Variants in FRMD4B observed in about 807,000 individuals in gnomAD.
FRMD4B encodes the protein FERM domain containing 4B.
Under a neutral mutation model 141.5 loss-of-function variants are expected in FRMD4B, and 74 were observed. The ratio of observed to expected loss-of-function variants is 0.52; its 90% CI spans 0.43 to 0.63. The LOEUF (loss-of-function observed/expected upper bound fraction) is 0.63. Ranked by LOEUF, FRMD4B falls within the 30% of genes least tolerant of loss-of-function variation. FRMD4B has a pLI of 0.00. For synonymous variants in FRMD4B, 506 were observed against 467.9 expected (o/e 1.08, Z -1.05); for missense variants, 1,366 against 1,253.4 (o/e 1.09, Z -1.36).
chr3:69,408,605 T>C (rs1156239440), intron 2 of FRMD4B, among the ~76,000 whole-genome samples: 3 of 152,016 alleles, frequency 2.0e-5, no homozygotes, highest in Admixed American at 1.3e-4. Flanking sequence ...AGGAAAATGA[T>C]ATCATAAAAA....
chr3:69,359,029 G>A (rs1395986063), intron 1 of FRMD4B, among the ~76,000 whole-genome samples: 1 of 152,128 alleles, frequency 6.6e-6, no homozygotes, highest in African/African-American at 2.4e-5. Context: ...TGTGGTATTT[G>A]GCTATAGACA....
chr3:69,541,603 A>G (rs945131926), intron 1 of FRMD4B, among the ~76,000 whole-genome samples: 5 of 152,238 alleles, frequency 3.3e-5, no homozygotes, highest in Non-Finnish European at 7.3e-5. Flanking sequence ...TTCTCAAAGT[A>G]GGAGCTAAAG....
intron 2 of FRMD4B, among the ~76,000 whole-genome samples, chr3:69,420,965 G>A (rs1159168434): frequency 6.6e-6 from 1 of 152,194 alleles, no homozygotes; most frequent in African/African-American, 2.4e-5. Flanking sequence ...AGTCAGGGAC[G>A]GAGAGGGCCA....
intron 3 of FRMD4B, among the ~76,000 whole-genome samples, chr3:69,304,534 C>T (rs534729408): frequency 1.3e-5 from 2 of 149,880 alleles, no homozygotes; most frequent in South Asian, 2.1e-4. Context: ...TCTCTGAGTG[C>T]CACTTCTGTA....
chr3:69,337,176 G>A (rs987680862), intron 1 of FRMD4B, among the ~76,000 whole-genome samples: 6 of 151,986 alleles, frequency 3.9e-5, no homozygotes, highest in African/African-American at 1.5e-4. Flanking sequence ...TCTGATCTTT[G>A]ACAAACCTGA....
rs2092865368 is a variant in FRMD4B at position 69,193,647 on chromosome 3, C to T, written c.1714+1G>A. The stretch of plus-strand genomic sequence containing the variant: ...AAAAAAAAACCTTACTTATTACTAA[C>T]CTGGTAACACTGTTGCTTTCTGGCT... On this transcript the variant is annotated splice_donor_variant, in intron 17 of 22. Coordinates refer to ENST00000398540, the MANE Select transcript of FRMD4B (RefSeq NM_015123.3). LOFTEE classifies it high-confidence loss of function. The T allele has an allele frequency of 6.3e-7, 1 of 1,589,750 alleles. No individual in the cohort carries two copies. Among genetic ancestry groups the T allele is most frequent in the Non-Finnish European group, 8.6e-7 (1 of 1,160,994 alleles).
At chr3:69,232,094 G>C (rs2107788008) in intron 7 of FRMD4B, among the ~76,000 whole-genome samples, 1 of 152,248 alleles carries the variant, frequency 6.6e-6, no homozygotes, top group African/African-American at 2.4e-5. Flanking sequence ...AAAGTAGTAG[G>C]GGAGGTGAAC....
chr3:69,227,999 A>C (rs553720526), intron 7 of FRMD4B, among the ~76,000 whole-genome samples: 2 of 152,238 alleles, frequency 1.3e-5, no homozygotes, highest in Non-Finnish European at 2.9e-5. Context: ...ATGTTTATTA[A>C]GAAAAACGAA....
At chr3:69,476,978 A>G (rs1039164929) in intron 1 of FRMD4B, among the ~76,000 whole-genome samples, 1 of 152,022 alleles carries the variant, frequency 6.6e-6, no homozygotes, top group African/African-American at 2.4e-5. Context: ...TGTGAATGGG[A>G]GTTCACTCAT....
At chr3:69,194,915 G>A (rs1207958786) in intron 16 of FRMD4B, 107 bp downstream of exon 16, 2 of 976,268 alleles carry the variant, frequency 2.0e-6, no homozygotes, top group Non-Finnish European at 3.1e-6. Context: ...CTGTACTGGT[G>A]AGATAACATA....
intron 1 of FRMD4B, among the ~76,000 whole-genome samples, chr3:69,506,477 T>G (rs1425266601): frequency 6.6e-6 from 1 of 151,912 alleles, no homozygotes; most frequent in Non-Finnish European, 1.5e-5. Flanking sequence ...TTCTTATGAA[T>G]GTACTTAGGA....
rs66705405 is a variant in FRMD4B at position 69,343,577 on chromosome 3, GTTT to G, written c.163-30063_163-30061del. On this transcript the variant is annotated intron_variant, in intron 1 of 22. Coordinates refer to ENST00000398540, the MANE Select transcript of FRMD4B (RefSeq NM_015123.3). ...AGCCATTTTGTCTTAACAGTTTTTT[GTTT>G]TTTTTTTTTTTTTTTTTTAGACGGG... Among the ~76,000 whole-genome samples, 1,149 of 126,408 alleles carry G rather than the reference GTTT, an allele frequency of 9.1e-3. 11 individuals carry two copies. Among genetic ancestry groups the G allele is most frequent in the African/African-American group, 0.027 (892 of 33,082 alleles). 82.9% of individuals were successfully genotyped at this position (126,408 alleles called of 152,430 possible).
intron 7 of FRMD4B, 104 bp from the exon 8 acceptor site, chr3:69,224,794 G>A: frequency 3.0e-6 from 2 of 672,774 alleles, no homozygotes; most frequent in Non-Finnish European, 5.4e-6. Context: ...TTTACAGCAT[G>A]TTGGAGCCAA....
chr3:69,455,581 A>G (rs1157545429), intron 1 of FRMD4B, among the ~76,000 whole-genome samples: 2 of 152,200 alleles, frequency 1.3e-5, no homozygotes, highest in East Asian at 1.9e-4. Flanking sequence ...GAACATCAGA[A>G]GGAACAAACC....
intron 22 of FRMD4B, among the ~76,000 whole-genome samples, chr3:69,175,883 C>T (rs1028722871): frequency 6.8e-6 from 1 of 147,584 alleles, no homozygotes; most frequent in Non-Finnish European, 1.5e-5. Flanking sequence ...GGGGTTCACG[C>T]CATTCTCCTG....
upstream of FRMD4B, among the ~76,000 whole-genome samples, chr3:69,388,681 A>G (rs1704319992): frequency 6.6e-6 from 1 of 152,154 alleles, no homozygotes; most frequent in African/African-American, 2.4e-5. Flanking sequence ...TATTCACTAC[A>G]AAAAGTTTGG....
intron 1 of FRMD4B, among the ~76,000 whole-genome samples, chr3:69,332,383 T>C (rs1051565422): frequency 6.6e-6 from 1 of 152,150 alleles, no homozygotes; most frequent in Non-Finnish European, 1.5e-5. Context: ...TACCCTCATT[T>C]TACAGATGAG....
intron 1 of FRMD4B, among the ~76,000 whole-genome samples, chr3:69,457,632 C>T (rs920171002): frequency 2.0e-5 from 3 of 151,538 alleles, no homozygotes; most frequent in Non-Finnish European, 4.4e-5. Context: ...TTATGGTGTC[C>T]TCCAAACAGA....
chr3:69,332,376 C>T (rs1264358668), intron 1 of FRMD4B, among the ~76,000 whole-genome samples: 2 of 152,058 alleles, frequency 1.3e-5, no homozygotes, highest in Admixed American at 1.3e-4. Flanking sequence ...AATGTCATAC[C>T]CTCATTTTAC....
Sources: allele counts gnomAD v4.1 joint callset (sites outside exome capture counted in the v4.1 genomes callset), GRCh38; gene constraint gnomAD v4.1.1; transcripts MANE v1.5; gene names NCBI Gene and HGNC (gene_info 2026-07-23, HGNC 2026-07-21).